CCNJ: variants seen among roughly 807,000 people sequenced by gnomAD.
CCNJ encodes cyclin J.
A neutral mutation model predicts 41.4 loss-of-function variants in CCNJ; 12 were observed. The observed-to-expected ratio is 0.29, with a 90% CI of 0.19 to 0.47. The LOEUF (loss-of-function observed/expected upper bound fraction) is 0.47, where lower values mean the gene tolerates loss of function less well. CCNJ is among the 20% of genes least tolerant of loss of function. The pLI is 1.00. For missense variants in CCNJ, 340 were observed against 464.6 expected (o/e 0.73, Z 2.47); for synonymous variants, 161 against 173.4 (o/e 0.93, Z 0.56).
chr10:96,054,621 G>A (rs1399091840), intron 3 of CCNJ, among the ~76,000 whole-genome samples: 1 of 152,178 alleles, frequency 6.6e-6, no homozygotes, highest in Non-Finnish European at 1.5e-5. Context: ...TTCTGGTCTA[G>A]AAGTGCAAAT....
Position 96,045,339 on chromosome 10 carries a change from A to G in CCNJ, c.69+877A>G, listed in dbSNP as rs376042171. 2.1e-4 allele frequency among the ~76,000 whole-genome samples: 32 copies of G among 152,334 alleles called. No homozygotes were observed. The South Asian group carries it at 5.4e-3, about 26-fold the overall frequency. On this transcript the variant is annotated intron_variant, in intron 2 of 5. Coordinates refer to ENST00000465148, the MANE Select transcript of CCNJ (RefSeq NM_001134375.2). ...AAAGAAAGCCATTTGTTAAATGTAG[A>G]AAATTGAGAAAGAAGCAAAACAGCT...
chr10:96,047,713 T>C (rs1256202229), intron 2 of CCNJ, among the ~76,000 whole-genome samples: 1 of 152,256 alleles, frequency 6.6e-6, no homozygotes, highest in African/African-American at 2.4e-5. Flanking sequence ...TTAGGTAATA[T>C]TAAGTTAGGT....
At chr10:96,048,730 C>T (rs2080435103) in intron 2 of CCNJ, among the ~76,000 whole-genome samples, 1 of 152,168 alleles carries the variant, frequency 6.6e-6, no homozygotes, top group African/African-American at 2.4e-5. Flanking sequence ...CATACTGTCT[C>T]CAAGGTTCAA....
Position 96,057,147 on chromosome 10 carries a change from A to C in CCNJ, c.640A>C (p.Arg214=). Residue 214 remains arginine, a synonymous_variant, in exon 5 of 6, where the codon AGG becomes CGG. Coordinates refer to ENST00000465148, the MANE Select transcript of CCNJ (RefSeq NM_001134375.2). ...AGCTGCTGCATGTGTGGCTTCTTCG[A>C]GGATTATACTTCGTCTTTCTCCAAC... ...LVAAACVASS[R]IILRLSPTWP... 1 of 1,614,124 alleles carries C rather than the reference A, an allele frequency of 6.2e-7. No individual in the cohort carries two copies. The highest frequency in any genetic ancestry group is 8.5e-7 in the Non-Finnish European group (1 of 1,179,972).
chr10:96,056,684 T>TCC lies in CCNJ; in HGVS notation c.281-14_281-13dup. On this transcript the variant is annotated splice_polypyrimidine_tract_variant and intron_variant, in intron 3 of 5. Transcript: ENST00000465148. ...GCCTGACATTTTCTCTCCCCTCCCATCCCCTTTTCTTATAAGGTAAATTTG... is the reference window on the plus strand; with the variant it reads ...GCCTGACATTTTCTCTCCCCTCCCATCCCCCCTTTTCTTATAAGGTAAATTTG... The TCC allele has an allele frequency of 1.3e-6, 2 of 1,560,120 alleles. No homozygotes were observed. Among genetic ancestry groups the TCC allele is most frequent in the Non-Finnish European group, 1.7e-6 (2 of 1,154,176 alleles).
intron 2 of CCNJ, among the ~76,000 whole-genome samples, chr10:96,048,252 C>T (rs2142034828): frequency 6.6e-6 from 1 of 152,236 alleles, no homozygotes; most frequent in African/African-American, 2.4e-5. Context: ...CATACACATG[C>T]ATGTGTCTTT....
In CCNJ at chr10:96,058,736, T is replaced by C. The variant is rs1390388034; in HGVS notation, c.*495T>C. On this transcript the variant is annotated 3_prime_UTR_variant, in exon 6 of 6. Coordinates refer to ENST00000465148, the MANE Select transcript of CCNJ (RefSeq NM_001134375.2). The stretch of plus-strand genomic sequence containing the variant: ...TTTGTTCTACACATGAATTTTTGAC[T>C]AAGTTTAAACTCATGAATTGTTATG... 2 of 376,722 alleles carry C rather than the reference T, an allele frequency of 5.3e-6. No homozygotes were observed. Among genetic ancestry groups the C allele is most frequent in the Non-Finnish European group, 9.4e-6 (2 of 212,918 alleles). 23.3% of individuals were successfully genotyped at this position (376,722 alleles called of 1,614,324 possible).
At chr10:96,043,533 T>C (rs1341458371), upstream of CCNJ, 2 of 393,694 alleles carry the variant, frequency 5.1e-6, no homozygotes, top group Middle Eastern at 6.4e-4. Flanking sequence ...CGGCGGGGCC[T>C]CAAGTGCCCC....
At chr10:96,044,796 G>T (rs138415872) in intron 2 of CCNJ, among the ~76,000 whole-genome samples, 2 of 152,170 alleles carry the variant, frequency 1.3e-5, no homozygotes, top group Non-Finnish European at 2.9e-5. Context: ...CTCTTTGTTC[G>T]AGAGTTGCCG....
intron 2 of CCNJ, among the ~76,000 whole-genome samples, chr10:96,044,697 A>C (rs2080312460): frequency 6.6e-6 from 1 of 152,186 alleles, no homozygotes; most frequent in Non-Finnish European, 1.5e-5. Context: ...GGAAGGTGGA[A>C]AGGGGCGTTC....
At chr10:96,043,200 C>T (rs1046385733), upstream of CCNJ, among the ~76,000 whole-genome samples, 10 of 152,232 alleles carry the variant, frequency 6.6e-5, 1 homozygote, top group Non-Finnish European at 1.5e-4. Context: ...AACTTTGCTC[C>T]GCGGGCATCG....
At chr10:96,048,674 A>C (rs974912643) in intron 2 of CCNJ, among the ~76,000 whole-genome samples, 1 of 152,224 alleles carries the variant, frequency 6.6e-6, no homozygotes, top group African/African-American at 2.4e-5. Flanking sequence ...TAACTCATTA[A>C]GTGGAATCAT....
chr10:96,049,647 A>C (rs866931211), intron 2 of CCNJ, among the ~76,000 whole-genome samples: 1 of 151,960 alleles, frequency 6.6e-6, no homozygotes, highest in Non-Finnish European at 1.5e-5. Flanking sequence ...GAAATATTTT[A>C]ATAGTATAGA....
intron 5 of CCNJ, 75 bp from the exon 6 acceptor site, chr10:96,057,755 G>C (rs1178253442): frequency 2.2e-6 from 3 of 1,389,590 alleles, no homozygotes; most frequent in Non-Finnish European, 3.0e-6. Context: ...GTTGAGTTGG[G>C]GATGGGGCAT....
At chr10:96,043,413 A>T, upstream of CCNJ, 1 of 369,826 alleles carries the variant, frequency 2.7e-6, no homozygotes, top group Non-Finnish European at 4.8e-6. Flanking sequence ...TGCTGACCGT[A>T]CCCAGGCGGG....
At chr10:96,050,227 C>G (rs2080485765) in intron 2 of CCNJ, 29 bp from the exon 3 acceptor site, 1 of 1,477,628 alleles carries the variant, frequency 6.8e-7, no homozygotes, top group Admixed American at 1.7e-5. Context: ...ACAGATAGGT[C>G]AGACTAAATG....
At chr10:96,055,110 TGCTATTGGCA>T (rs2080644865) in intron 3 of CCNJ, among the ~76,000 whole-genome samples, 1 of 152,236 alleles carries the variant, frequency 6.6e-6, no homozygotes, top group African/African-American at 2.4e-5. Context: ...TTTAAGTATT[TGCTATTGGCA>T]AAACTTGTTA....
At chr10:96,053,122 A>G (rs1436291340) in intron 3 of CCNJ, among the ~76,000 whole-genome samples, 1 of 152,194 alleles carries the variant, frequency 6.6e-6, no homozygotes, top group Non-Finnish European at 1.5e-5. Flanking sequence ...AAGATGGAGC[A>G]TACCTTGTAA....
chr10:96,050,597 T>TA, intron 3 of CCNJ, 131 bp downstream of exon 3: 1 of 687,108 alleles, frequency 1.5e-6, no homozygotes, highest in Non-Finnish European at 2.4e-6. Flanking sequence ...AAGCTTATGT[T>TA]AAAAGTGCTT....
Sources: allele counts gnomAD v4.1 joint callset (sites outside exome capture counted in the v4.1 genomes callset), GRCh38; gene constraint gnomAD v4.1.1; transcripts MANE v1.5; gene names NCBI Gene and HGNC (gene_info 2026-07-23, HGNC 2026-07-21).